Variants in SLC6A2 observed in about 807,000 individuals in gnomAD.
SLC6A2 encodes solute carrier family 6 member 2, also known as sodium-dependent noradrenaline transporter.
SLC6A2 carries 26 observed loss-of-function variants against 71.7 expected under a neutral mutation model. The ratio of observed to expected loss-of-function variants is 0.36; its 90% confidence interval spans 0.27 to 0.50. SLC6A2 has a LOEUF of 0.50. Among genes scored for constraint, SLC6A2 ranks in the 20% least tolerant of loss-of-function variants. SLC6A2 has a pLI of 0.96. For missense variants in SLC6A2, 581 were observed against 803.9 expected (o/e 0.72, Z 3.35); for synonymous variants, 363 against 337.9 (o/e 1.07, Z -0.82).
In SLC6A2 at chr16:55,656,850, C is replaced by A. The variant is rs1395219019; in HGVS notation, c.156C>A (p.Asp52Glu). ...VQCLLAPRDG[D>E]AQPRETWGKK... ...GCCTGCTGGCGCCCCGCGACGGCGA[C>A]GCGCAGCCCCGGGAGACCTGGGGCA... The change falls in exon 2 of 15, where the codon GAC becomes GAA. Residue 52 changes from aspartate (D) to glutamate (E), a missense_variant. By Grantham distance (45) the Asp-to-Glu change is conservative. Coordinates refer to ENST00000568943, the MANE Select transcript of SLC6A2 (RefSeq NM_001172501.3). This position sits in a 1 kb window ranked among gnomAD's most constrained non-coding sequence, Gnocchi z 4.5. 6.2e-7 allele frequency: 1 copy of A among 1,613,638 alleles called. No homozygotes were observed. The highest frequency in any genetic ancestry group is 8.5e-7 in the Non-Finnish European group (1 of 1,179,864).
chr16:55,686,348 A>G (rs1965451261), intron 5 of SLC6A2, among the ~76,000 whole-genome samples: 1 of 152,214 alleles, frequency 6.6e-6, no homozygotes, highest in Admixed American at 6.5e-5. Flanking sequence ...TTCTCACAGC[A>G]TGGCGGCTGA....
intron 4 of SLC6A2, among the ~76,000 whole-genome samples, chr16:55,677,764 A>G (rs1236647924): frequency 1.3e-5 from 2 of 152,064 alleles, no homozygotes; most frequent in Non-Finnish European, 2.9e-5. Flanking sequence ...GGCTCAAGTA[A>G]TCCTCCCACC....
chr16:55,686,330 G>C (rs1035559606), intron 5 of SLC6A2, among the ~76,000 whole-genome samples: 1 of 152,156 alleles, frequency 6.6e-6, no homozygotes, highest in Non-Finnish European at 1.5e-5. Flanking sequence ...TTTCTATGGT[G>C]CTTGGGCTTC....
In SLC6A2 at chr16:55,705,265, C is replaced by G; in HGVS notation, c.*2919C>G. ...AGAGCTACCAACTCTTGCCAGATAT[C>G]CTGCTGAACAGAAATCCCTGAAGCT... On this transcript the variant is annotated 3_prime_UTR_variant, in exon 15 of 15. Transcript: ENST00000568943. The G allele has an allele frequency of 6.5e-7, 1 of 1,535,278 alleles. No homozygotes were observed. The highest frequency in any genetic ancestry group is 1.7e-4 in the Middle Eastern group (1 of 5,990).
Position 55,703,164 on chromosome 16 carries a change from C to T in SLC6A2, c.*818C>T. 5.1e-6 allele frequency: 5 copies of T among 985,412 alleles called. No homozygotes were observed. Among genetic ancestry groups the T allele is most frequent in the Non-Finnish European group, 6.0e-6 (5 of 829,904 alleles). The allele number at this position is 985,412 out of a possible 1,614,324, so 61.0% of individuals were successfully genotyped here. ...ACATCTACTGAGGCCTCATGCTGCT[C>T]TTGCTCTGTAAGACACGGAGCCCAG... On this transcript the variant is annotated 3_prime_UTR_variant, in exon 15 of 15. Coordinates refer to ENST00000568943, the MANE Select transcript of SLC6A2 (RefSeq NM_001172501.3).
chr16:55,693,158 G>T (rs1326496335), intron 6 of SLC6A2, among the ~76,000 whole-genome samples: 1 of 152,124 alleles, frequency 6.6e-6, no homozygotes, highest in East Asian at 1.9e-4. Context: ...AGGCTGAGGC[G>T]GGCGGATCAC....
chr16:55,698,413 T>C, intron 10 of SLC6A2, 56 bp from the exon 11 acceptor site: 1 of 1,228,374 alleles, frequency 8.1e-7, no homozygotes, highest in Non-Finnish European at 1.2e-6. Flanking sequence ...GACACAACAA[T>C]CAGTTCCCAC....
Position 55,682,007 on chromosome 16 carries a change from A to G in SLC6A2, c.645-3136A>G, listed in dbSNP as rs559845881. 2.0e-5 allele frequency among the ~76,000 whole-genome samples: 3 copies of G among 152,328 alleles called. No homozygotes were observed. The East Asian group carries it at 5.8e-4, about 29-fold the overall frequency. On this transcript the variant is annotated intron_variant, in intron 4 of 14. Transcript: ENST00000568943. ...CTGCAATCTCCATCTCCCAGGTTCA[A>G]GCAATTCTCATGCTTCAGTCTCCCA...
intron 8 of SLC6A2, 61 bp from the exon 9 acceptor site, chr16:55,696,164 A>G (rs1965790931): frequency 2.0e-6 from 2 of 1,012,734 alleles, no homozygotes; most frequent in African/African-American, 1.6e-5. Flanking sequence ...ATACTCCCCT[A>G]TCATGTGCAG....
Position 55,677,665 on chromosome 16 carries a change from T to TTTTG in SLC6A2, c.644+5506_644+5509dup, listed in dbSNP as rs139207409. On this transcript the variant is annotated intron_variant, in intron 4 of 14. Coordinates refer to ENST00000568943, the MANE Select transcript of SLC6A2 (RefSeq NM_001172501.3). ...AGGTAGAACTGAATGCAGAGTTGTT[T>TTTTG]TTTGTTTGTTTGTTTGTTTTAAAAA... Among the ~76,000 whole-genome samples the TTTTG allele has an allele frequency of 5.1e-3, 774 of 150,726 alleles. 4 individuals carry two copies. The highest frequency in any genetic ancestry group is 0.016 in the African/African-American group (677 of 41,056).
intron 5 of SLC6A2, 85 bp from the exon 6 acceptor site, chr16:55,691,833 C>T: frequency 1.3e-6 from 2 of 1,494,126 alleles, no homozygotes; most frequent in Admixed American, 3.4e-5. Context: ...TGACTGGCTC[C>T]CTGGGAAAGG....
chr16:55,674,973 T>A (rs1198116808), intron 4 of SLC6A2, among the ~76,000 whole-genome samples: 3 of 152,216 alleles, frequency 2.0e-5, no homozygotes, highest in Non-Finnish European at 2.9e-5. Context: ...CCACCAACAG[T>A]GTATAAGCAT....
chr16:55,703,334 GT>G lies in SLC6A2; in HGVS notation c.*990del. 10 of 985,484 alleles carry G rather than the reference GT, an allele frequency of 1.0e-5. No individual in the cohort carries two copies. Among genetic ancestry groups the G allele is most frequent in the Non-Finnish European group, 1.2e-5 (10 of 829,960 alleles). The allele number at this position is 985,484 out of a possible 1,614,324, so 61.0% of individuals were successfully genotyped here. ...TGACAGGCTGTTGTGTTAATTTATT[GT>G]TCTTGCACACCTGCACAGCCTCCCT... On this transcript the variant is annotated 3_prime_UTR_variant, in exon 15 of 15. Coordinates refer to ENST00000568943, the MANE Select transcript of SLC6A2 (RefSeq NM_001172501.3).
chr16:55,658,077 G>A (rs1308187416), intron 2 of SLC6A2, among the ~76,000 whole-genome samples: 1 of 152,160 alleles, frequency 6.6e-6, no homozygotes, highest in Non-Finnish European at 1.5e-5. Flanking sequence ...ACTTAAGGGA[G>A]GTCAGAGGGA....
At chr16:55,675,346 A>G (rs1313206025) in intron 4 of SLC6A2, among the ~76,000 whole-genome samples, 1 of 152,244 alleles carries the variant, frequency 6.6e-6, no homozygotes, top group Non-Finnish European at 1.5e-5. Context: ...CTCCACCCTC[A>G]GGGCATTCAT....
rs1597021287 is a variant in SLC6A2, at chr16:55,703,076, ACAGTGAGCAGGTT to A, written c.*732_*744del. On this transcript the variant is annotated 3_prime_UTR_variant, in exon 15 of 15. Transcript: ENST00000568943. The stretch of plus-strand genomic sequence containing the variant: ...ACAGGAGGAAGAGGGTAAATGAACC[ACAGTGAGCAGGTT>A]CTAGGAGGTACCTGCATCAGACAAG... 20 of 986,392 alleles carry A rather than the reference ACAGTGAGCAGGTT, an allele frequency of 2.0e-5. No homozygotes were observed. The highest frequency in any genetic ancestry group is 2.3e-5 in the Non-Finnish European group (19 of 830,672). 61.1% of individuals were successfully genotyped at this position (986,392 alleles called of 1,614,324 possible).
chr16:55,657,270 G>A (rs1311511172), intron 2 of SLC6A2, among the ~76,000 whole-genome samples: 1 of 152,132 alleles, frequency 6.6e-6, no homozygotes, highest in Non-Finnish European at 1.5e-5. Context: ...TCATGGTAGG[G>A]GTATGGATGG....
At chr16:55,657,888 C>T (rs955028481) in intron 2 of SLC6A2, among the ~76,000 whole-genome samples, 3 of 142,722 alleles carry the variant, frequency 2.1e-5, no homozygotes, top group Admixed American at 7.1e-5. Flanking sequence ...CCCCCACCCC[C>T]TAGCTCCTTC....
intron 6 of SLC6A2, among the ~76,000 whole-genome samples, chr16:55,693,213 C>A (rs1380758530): frequency 6.6e-6 from 1 of 152,144 alleles, no homozygotes; most frequent in Non-Finnish European, 1.5e-5. Flanking sequence ...ATGGGGAAAC[C>A]CCGTCTCTAC....
Sources: gnomAD v4.1 joint callset for allele counts (sites outside exome capture counted in the v4.1 genomes callset) on GRCh38, gnomAD v4.1.1 for gene constraint, Gnocchi (gnomAD v3.1) non-coding constraint, MANE v1.5 for transcripts, NCBI Gene and HGNC (gene_info 2026-07-23, HGNC 2026-07-21) for gene names.